The following PLXDC2 variants were observed in gnomAD, a reference collection of about 807,000 sequenced individuals.
PLXDC2 encodes plexin domain-containing protein 2.
PLXDC2 carries 40 observed loss-of-function variants against 68.9 expected under a neutral mutation model. That is an observed-to-expected ratio of 0.58 (90% CI 0.45 to 0.76). The LOEUF is 0.76. PLXDC2 is among the 30% of genes least tolerant of loss of function. PLXDC2 has a pLI of 0.00. For synonymous variants in PLXDC2, 243 were observed against 234.2 expected (o/e 1.04, Z -0.34); for missense variants, 644 against 661.9 (o/e 0.97, Z 0.30).
chr10:19,880,768 C>T (rs1219785114), intron 1 of PLXDC2, among the ~76,000 whole-genome samples: 1 of 152,154 alleles, frequency 6.6e-6, no homozygotes, highest in African/African-American at 2.4e-5. Flanking sequence ...TACCTTACAT[C>T]ATGCTGTTAT....
chr10:20,070,862 T>C (rs1185704304), intron 4 of PLXDC2: 2 of 152,190 alleles, frequency 1.3e-5, no homozygotes, highest in African/African-American at 4.8e-5. Flanking sequence ...TCAGCCAATA[T>C]GAAGTAAGAT....
intron 2 of PLXDC2, among the ~76,000 whole-genome samples, chr10:20,036,288 C>T (rs748900778): frequency 1.3e-4 from 20 of 152,048 alleles, no homozygotes; most frequent in Non-Finnish European, 1.5e-5. Flanking sequence ...ATTTGTGTTC[C>T]TATAAGAGGA....
intron 1 of PLXDC2, among the ~76,000 whole-genome samples, chr10:19,844,619 G>C (rs61841509): frequency 7.0e-6 from 1 of 142,506 alleles, no homozygotes; most frequent in African/African-American, 2.6e-5. Flanking sequence ...TTTTCTTTTT[G>C]AGGTAGGGCT....
At chr10:20,224,322 A>G (rs1361628249) in intron 12 of PLXDC2, among the ~76,000 whole-genome samples, 1 of 152,176 alleles carries the variant, frequency 6.6e-6, no homozygotes, top group Non-Finnish European at 1.5e-5. Context: ...ATATGCATTT[A>G]CAACATTTTC....
chr10:20,013,656 A>G (rs1327376494), intron 2 of PLXDC2, among the ~76,000 whole-genome samples: 5 of 152,208 alleles, frequency 3.3e-5, no homozygotes, highest in Non-Finnish European at 2.9e-5. Flanking sequence ...TGCTCTGAAA[A>G]TGTTTACAAG....
chr10:20,135,716 C>T (rs1332942105), intron 4 of PLXDC2, among the ~76,000 whole-genome samples: 1 of 152,134 alleles, frequency 6.6e-6, no homozygotes, highest in African/African-American at 2.4e-5. Flanking sequence ...ACATAATTTG[C>T]AGCTGATAAC....
In PLXDC2 at chr10:19,984,205, A is replaced by T. The variant is rs542195997; in HGVS notation, c.113-17570A>T. ...GTGTACCCCTATCTCAGGGTTCCCC[A>T]TTTCTGGATGGCCACTCCAGTAAGA... On this transcript the variant is annotated intron_variant, in intron 1 of 13. Coordinates refer to ENST00000377252, the MANE Select transcript of PLXDC2 (RefSeq NM_032812.9). 4.2e-4 allele frequency among the ~76,000 whole-genome samples: 64 copies of T among 152,262 alleles called. 1 individual carries two copies. In the Middle Eastern group the frequency reaches 0.01, roughly 24 times the overall value.
intron 4 of PLXDC2, among the ~76,000 whole-genome samples, chr10:20,112,434 C>T (rs940847721): frequency 3.3e-5 from 5 of 151,980 alleles, no homozygotes; most frequent in Non-Finnish European, 7.4e-5. Context: ...AATGTACAGA[C>T]TTGATCACTG....
At chr10:19,891,873 T>A (rs1340295011) in intron 1 of PLXDC2, among the ~76,000 whole-genome samples, 3 of 152,190 alleles carry the variant, frequency 2.0e-5, no homozygotes, top group Admixed American at 6.5e-5. Context: ...ATTGAAAAAA[T>A]TGGATTTTTG....
At chr10:20,108,214 T>C (rs1305519911) in intron 4 of PLXDC2, among the ~76,000 whole-genome samples, 1 of 152,188 alleles carries the variant, frequency 6.6e-6, no homozygotes, top group African/African-American at 2.4e-5. Context: ...TTCTCTCTAA[T>C]GTAATGTTTC....
intron 4 of PLXDC2, among the ~76,000 whole-genome samples, chr10:20,092,287 G>A (rs749590752): frequency 1.3e-5 from 2 of 152,140 alleles, no homozygotes; most frequent in East Asian, 1.9e-4. Flanking sequence ...AGCCTTATCC[G>A]GTGATCCATT....
At chr10:20,252,249 T>C (rs1835686203) in intron 13 of PLXDC2, among the ~76,000 whole-genome samples, 1 of 152,178 alleles carries the variant, frequency 6.6e-6, no homozygotes, top group Non-Finnish European at 1.5e-5. Flanking sequence ...GCTCTTAAAA[T>C]CTGACTAGTC....
intron 1 of PLXDC2, among the ~76,000 whole-genome samples, chr10:19,956,000 A>C (rs1834063391): frequency 6.6e-6 from 1 of 152,144 alleles, no homozygotes; most frequent in Non-Finnish European, 1.5e-5. Context: ...AATCGCTTGA[A>C]TCCAAGAGGC....
intron 7 of PLXDC2, among the ~76,000 whole-genome samples, chr10:20,167,874 A>G (rs1256554289): frequency 1.3e-5 from 2 of 152,138 alleles, no homozygotes; most frequent in Non-Finnish European, 2.9e-5. Flanking sequence ...AGCAATTTTA[A>G]TTTATTTATT....
intron 4 of PLXDC2, among the ~76,000 whole-genome samples, chr10:20,082,060 A>C (rs1389068365): frequency 5.2e-5 from 7 of 135,494 alleles, no homozygotes; most frequent in Non-Finnish European, 1.1e-4. Flanking sequence ...AAAAAAAAAA[A>C]AATCAAAAAA....
intron 1 of PLXDC2, among the ~76,000 whole-genome samples, chr10:19,964,341 G>T (rs1834212374): frequency 6.6e-6 from 1 of 152,162 alleles, no homozygotes; most frequent in African/African-American, 2.4e-5. Context: ...AAGGAAGGGA[G>T]GTTGGGCTGA....
intron 2 of PLXDC2, among the ~76,000 whole-genome samples, chr10:20,044,219 T>TCTCTCTCTCTCTCTCTG (rs1835745511): frequency 6.8e-5 from 1 of 14,686 alleles, no homozygotes; most frequent in Non-Finnish European, 1.2e-4. Flanking sequence ...CTGTCTTTCT[T>TCTCTCTCTCTCTCTCTG]TCTTTCTTTC....
intron 5 of PLXDC2, among the ~76,000 whole-genome samples, chr10:20,145,394 T>C (rs1834063380): frequency 6.6e-6 from 1 of 152,198 alleles, no homozygotes; most frequent in Non-Finnish European, 1.5e-5. Context: ...GTTAGAATCA[T>C]TGACAGGATA....
chr10:20,160,249 A>G (rs995092216), intron 6 of PLXDC2, among the ~76,000 whole-genome samples: 2 of 152,146 alleles, frequency 1.3e-5, no homozygotes, highest in Non-Finnish European at 2.9e-5. Flanking sequence ...CTAATCCCCA[A>G]TTATATTAAG....
Sources: allele counts gnomAD v4.1 joint callset (sites outside exome capture counted in the v4.1 genomes callset), GRCh38; gene constraint gnomAD v4.1.1; transcripts MANE v1.5; gene names NCBI Gene and HGNC (gene_info 2026-07-23, HGNC 2026-07-21).